The following BAZ2A variants were observed in gnomAD, a reference collection of about 807,000 sequenced individuals.
The protein encoded by BAZ2A is bromodomain adjacent to zinc finger domain 2A, also known as bromodomain adjacent to zinc finger domain protein 2A.
A neutral mutation model predicts 199.9 loss-of-function variants in BAZ2A; 34 were observed. The observed-to-expected ratio is 0.17, with a 90% CI of 0.13 to 0.23. BAZ2A has a LOEUF of 0.23. Among genes scored for constraint, BAZ2A ranks in the 10% least tolerant of loss-of-function variants. BAZ2A has a pLI of 1.00. For missense variants in BAZ2A, 2,002 were observed against 2,391.1 expected, an observed-to-expected ratio of 0.84 and a Z score of 3.39; for synonymous variants, 857 against 883.9, an observed-to-expected ratio of 0.97 and a Z score of 0.54.
chr12:56,634,121 G>A (rs1482169287), upstream of BAZ2A, among the ~76,000 whole-genome samples: 1 of 152,158 alleles, frequency 6.6e-6, no homozygotes, highest in East Asian at 1.9e-4. Flanking sequence ...TGGTGGTCCT[G>A]GAAGTTAGAG....
In BAZ2A at chr12:56,606,089, A is replaced by G. The variant is rs546015625; in HGVS notation, c.2260-26T>C. ...CTACCCAAGGAAGAGAGGAACCAAG[A>G]CTGCCATAAAGATATCAGTCACTAT... On this transcript the variant is annotated intron_variant, in intron 12 of 28. Coordinates refer to ENST00000549884, the MANE Select transcript of BAZ2A (RefSeq NM_001300905.2). 3.9e-6 allele frequency: 6 copies of G among 1,551,292 alleles called. No homozygotes were observed. The East Asian group carries it at 1.2e-4, about 31-fold the overall frequency.
chr12:56,611,644 A>T lies in BAZ2A; in HGVS notation c.1610-11T>A, dbSNP rs1251164809. ...TCCTCATGACATCACCTTGGGAGGAAGGGATACCCAAGTTAAGAGTTCAAG... is the reference window on the plus strand; with the variant it reads ...TCCTCATGACATCACCTTGGGAGGATGGGATACCCAAGTTAAGAGTTCAAG... On this transcript the variant is annotated splice_polypyrimidine_tract_variant and intron_variant, in intron 6 of 28. Coordinates refer to ENST00000549884, the MANE Select transcript of BAZ2A (RefSeq NM_001300905.2). 6.3e-7 allele frequency: 1 copy of T among 1,594,966 alleles called. No homozygotes were observed. The highest frequency in any genetic ancestry group is 8.5e-7 in the Non-Finnish European group (1 of 1,173,818).
Position 56,598,795 on chromosome 12 carries a change from AG to A in BAZ2A, c.5547-13del. On this transcript the variant is annotated splice_polypyrimidine_tract_variant and intron_variant, in intron 28 of 28. Coordinates refer to ENST00000549884, the MANE Select transcript of BAZ2A (RefSeq NM_001300905.2). ...CTGAGCTGGTGTACCTGGACAGGGC[AG>A]GGGCAAAACTGTGAGCTGGGTAGGA... 1 of 1,611,076 alleles carries A rather than the reference AG, an allele frequency of 6.2e-7. No individual in the cohort carries two copies. Among genetic ancestry groups the A allele is most frequent in the Non-Finnish European group, 8.5e-7 (1 of 1,178,492 alleles).
chr12:56,611,212 T>C (rs919247649), intron 7 of BAZ2A: 8 of 311,784 alleles, frequency 2.6e-5, no homozygotes, highest in African/African-American at 1.8e-4. Flanking sequence ...ACCACCTCAA[T>C]TCATTAGTAC....
intron 7 of BAZ2A, 184 bp downstream of exon 7, chr12:56,611,389 G>C: frequency 1.5e-6 from 1 of 650,204 alleles, no homozygotes; most frequent in Non-Finnish European, 2.6e-6. Flanking sequence ...CAGACCTTGA[G>C]AGAAGAAGGA....
At chr12:56,603,732 G>T in intron 16 of BAZ2A, 32 bp from the exon 17 acceptor site, 1 of 1,610,848 alleles carries the variant, frequency 6.2e-7, no homozygotes, top group South Asian at 1.1e-5. Context: ...TTAAGGGAAG[G>T]CCAAGTGTGG....
chr12:56,631,610 T>C (rs568474433), upstream of BAZ2A, among the ~76,000 whole-genome samples: 1 of 152,318 alleles, frequency 6.6e-6, no homozygotes, highest in African/African-American at 2.4e-5. Flanking sequence ...CTCAACACTT[T>C]GCAGCCTTGA....
chr12:56,622,907 G>A (rs1258963594), intron 1 of BAZ2A, among the ~76,000 whole-genome samples: 1 of 152,108 alleles, frequency 6.6e-6, no homozygotes. Flanking sequence ...TCCAATCAAA[G>A]AGCTGCTACT....
intron 1 of BAZ2A, among the ~76,000 whole-genome samples, chr12:56,622,498 G>A (rs1950953087): frequency 1.3e-5 from 2 of 152,228 alleles, no homozygotes; most frequent in East Asian, 1.9e-4. Flanking sequence ...ATGGGAATAC[G>A]AAAAACATGT....
In BAZ2A at chr12:56,597,673, C is replaced by CACACACACACAG. The variant is rs1555204300; in HGVS notation, c.*944_*945insCTGTGTGTGTGT. 6.7e-6 allele frequency: 1 copy of CACACACACACAG among 150,232 alleles called. No individual in the cohort carries two copies. The highest frequency in any genetic ancestry group is 2.5e-5 in the African/African-American group (1 of 39,280). The allele number at this position is 150,232 out of a possible 1,614,324, so 9.3% of individuals were successfully genotyped here. On this transcript the variant is annotated 3_prime_UTR_variant, in exon 29 of 29. Transcript: ENST00000549884. The stretch of plus-strand genomic sequence containing the variant: ...ACACACACACACACACACACACACA[C>CACACACACACAG]AGCGCTCTCTCTGAGGCCGGCCCCA...
chr12:56,608,911 A>G (rs1950464458), intron 10 of BAZ2A, among the ~76,000 whole-genome samples: 2 of 112,108 alleles, frequency 1.8e-5, no homozygotes, highest in Non-Finnish European at 3.3e-5. Context: ...GTCTAGCTCT[A>G]TCACCAAGCT....
At chr12:56,623,785 C>A (rs185247649) in intron 1 of BAZ2A, among the ~76,000 whole-genome samples, 3 of 152,106 alleles carry the variant, frequency 2.0e-5, no homozygotes. Flanking sequence ...ATCTGGCCCA[C>A]GTTATCAATA....
In BAZ2A at chr12:56,600,446, G is replaced by A. The variant is rs1396012152; in HGVS notation, c.4647C>T (p.Ala1549=). 6.2e-7 allele frequency: 1 copy of A among 1,613,942 alleles called. No homozygotes were observed. Among genetic ancestry groups the A allele is most frequent in the Non-Finnish European group, 8.5e-7 (1 of 1,179,886 alleles). ...GGGAGTCGGAGAGGTGCTCACAGTA[G>A]GCCAAGTCTTCACGGGTAGAGTCTG... The part of the protein sequence containing the change: ...PSPDSTREDL[A]YCEHLSDSQE... The change falls in exon 24 of 29, where the codon GCC becomes GCT. Residue 1549 remains alanine (A), a synonymous_variant. Coordinates refer to ENST00000549884, the MANE Select transcript of BAZ2A (RefSeq NM_001300905.2).
At chr12:56,616,193 G>A (rs972253005) in intron 2 of BAZ2A, among the ~76,000 whole-genome samples, 1 of 152,072 alleles carries the variant, frequency 6.6e-6, no homozygotes, top group Non-Finnish European at 1.5e-5. Context: ...GAGCCACCAC[G>A]CCTGGCCTTT....
upstream of BAZ2A, among the ~76,000 whole-genome samples, chr12:56,637,770 CAA>C (rs537402652): frequency 1.3e-4 from 16 of 123,168 alleles, no homozygotes; most frequent in Admixed American, 1.7e-4. Context: ...GAATAGAGGC[CAA>C]AAAAAAAAAA....
intron 10 of BAZ2A, among the ~76,000 whole-genome samples, chr12:56,609,509 C>T (rs992338614): frequency 6.6e-6 from 1 of 152,154 alleles, no homozygotes; most frequent in African/African-American, 2.4e-5. Context: ...CTGGGGGCAG[C>T]CCAAGGTTTC....
chr12:56,629,717 C>T (rs1029214188), intron 1 of BAZ2A, among the ~76,000 whole-genome samples: 1 of 152,184 alleles, frequency 6.6e-6, no homozygotes, highest in South Asian at 2.1e-4. Flanking sequence ...GCGTTTTAAC[C>T]CGCCAAGGGA....
rs200679087 is a variant in BAZ2A at position 56,617,416 on chromosome 12, T to C, written c.115A>G (p.Asn39Asp). The change falls in exon 2 of 29, where the codon AAC becomes GAC. Residue 39 changes from asparagine to aspartate, a missense_variant. Asn to Asp is a conservative substitution (Grantham distance 23, BLOSUM62 1). This residue lies in a region of BAZ2A where 641 missense variants were observed against 694.5 expected (regional missense o/e 0.92). Transcript: ENST00000549884. ...EGLYTNGSPMNFPQQGKSLNG... is the reference protein window; with the variant it reads ...EGLYTNGSPMDFPQQGKSLNG... ...TCACTTTTCCCTTGCTGGGGGAAGT[T>C]CATGGGAGACCCGTTAGTGTAGAGG... The C allele has an allele frequency of 2.6e-5, 41 of 1,603,050 alleles. No individual in the cohort carries two copies. Among genetic ancestry groups the C allele is most frequent in the Middle Eastern group, 1.7e-4 (1 of 6,060 alleles).
intron 10 of BAZ2A, among the ~76,000 whole-genome samples, chr12:56,608,624 C>T (rs1950447810): frequency 6.6e-6 from 1 of 151,730 alleles, no homozygotes. Context: ...GGCTGGAGTG[C>T]AATGGTGTGA....
Sources: allele counts gnomAD v4.1 joint callset (sites outside exome capture counted in the v4.1 genomes callset), GRCh38; gene constraint gnomAD v4.1.1; regional missense constraint gnomAD v4.1.1; transcripts MANE v1.5; gene names NCBI Gene and HGNC (gene_info 2026-07-23, HGNC 2026-07-21).